GRM8: variants seen among roughly 807,000 people sequenced by gnomAD.
The protein encoded by GRM8 is glutamate metabotropic receptor 8.
A neutral mutation model predicts 87.2 loss-of-function variants in GRM8; 47 were observed. The observed-to-expected ratio is 0.54, with a 90% CI of 0.43 to 0.69. The LOEUF is 0.69. GRM8 is among the 30% of genes least tolerant of loss of function. The pLI is 0.00. For synonymous variants in GRM8, 396 were observed against 404.5 expected (o/e 0.98, Z 0.25); for missense variants, 1,019 against 1,139.2 (o/e 0.89, Z 1.52).
At chr7:126,961,293 G>A (rs768192742) in intron 3 of GRM8, among the ~76,000 whole-genome samples, 23 of 152,200 alleles carry the variant, frequency 1.5e-4, no homozygotes, top group Non-Finnish European at 4.4e-5. Context: ...TGATCAAAGG[G>A]TTTTGTAAAA....
At chr7:127,051,011 TATCA>T (rs76542878) in intron 3 of GRM8, among the ~76,000 whole-genome samples, 12,145 of 152,264 alleles carry the variant, frequency 0.08, 517 homozygotes, top group South Asian at 0.13. Flanking sequence ...TTTTGAATCC[TATCA>T]ATCATTTCTA....
intron 2 of GRM8, among the ~76,000 whole-genome samples, chr7:127,181,061 T>C (rs1794407759): frequency 6.6e-6 from 1 of 152,082 alleles, no homozygotes; most frequent in African/African-American, 2.4e-5. Context: ...ACTGTCACTG[T>C]TTGCTGATGA....
At chr7:126,699,743 C>G (rs1809732236) in intron 7 of GRM8, among the ~76,000 whole-genome samples, 1 of 152,138 alleles carries the variant, frequency 6.6e-6, no homozygotes, top group African/African-American at 2.4e-5. Context: ...ACAATCATTT[C>G]CAGCCTCCAG....
intron 6 of GRM8, among the ~76,000 whole-genome samples, chr7:126,830,752 G>A (rs564882703): frequency 3.3e-5 from 5 of 152,346 alleles, no homozygotes; most frequent in African/African-American, 9.6e-5. Flanking sequence ...GTGAGGAACT[G>A]CGTTCCTTTG....
chr7:126,673,973 A>C (rs1806672282), intron 7 of GRM8, among the ~76,000 whole-genome samples: 1 of 152,166 alleles, frequency 6.6e-6, no homozygotes, highest in African/African-American at 2.4e-5. Flanking sequence ...TAAATATATC[A>C]ATATAGACCT....
chr7:127,010,334 T>C (rs1042784755), intron 3 of GRM8, among the ~76,000 whole-genome samples: 8 of 152,190 alleles, frequency 5.3e-5, no homozygotes, highest in Non-Finnish European at 1.2e-4. Flanking sequence ...TTCACGGTAC[T>C]AATATAAGTT....
At chr7:126,946,325 G>A (rs1326475600) in intron 3 of GRM8, among the ~76,000 whole-genome samples, 1 of 151,986 alleles carries the variant, frequency 6.6e-6, no homozygotes, top group African/African-American at 2.4e-5. Flanking sequence ...AACATAGTGA[G>A]ACCCCCCCAT....
At chr7:127,235,821 T>C (rs956985462) in intron 2 of GRM8, among the ~76,000 whole-genome samples, 2 of 152,202 alleles carry the variant, frequency 1.3e-5, no homozygotes, top group Non-Finnish European at 2.9e-5. Flanking sequence ...CAAGAATTAC[T>C]GCAGTACATC....
intron 7 of GRM8, among the ~76,000 whole-genome samples, chr7:126,629,286 T>A (rs6467093): frequency 6.6e-6 from 1 of 152,346 alleles, no homozygotes; most frequent in African/African-American, 2.4e-5. Flanking sequence ...AAACTATAAC[T>A]GTGTGGGATT....
chr7:126,704,911 G>C (rs1810335126), intron 7 of GRM8, among the ~76,000 whole-genome samples: 1 of 152,096 alleles, frequency 6.6e-6, no homozygotes, highest in Admixed American at 6.6e-5. Flanking sequence ...TTTGCCTTGT[G>C]ATAGTCTATT....
rs970092175 is a variant in GRM8 at position 126,625,977 on chromosome 7, AT to A, written c.1358-16480del. 5.3e-4 allele frequency among the ~76,000 whole-genome samples: 80 copies of A among 152,022 alleles called. 2 individuals carry two copies. The highest frequency in any genetic ancestry group is 1.8e-4 in the Non-Finnish European group (12 of 67,980). ...TCTTATGTACTTGAAGCCCTTTATT[AT>A]TTTTTCTGGGGTACATTAAATACTT... On this transcript the variant is annotated intron_variant, in intron 7 of 10. Coordinates refer to ENST00000339582, the MANE Select transcript of GRM8 (RefSeq NM_000845.3).
chr7:127,223,445 A>ACG (rs1277576226), intron 2 of GRM8, among the ~76,000 whole-genome samples: 43 of 23,712 alleles, frequency 1.8e-3, no homozygotes, highest in Middle Eastern at 0.033. Context: ...ACACACACGC[A>ACG]CACACACACA....
chr7:126,491,206 T>TA (rs1807971396), intron 9 of GRM8, among the ~76,000 whole-genome samples: 1 of 152,060 alleles, frequency 6.6e-6, no homozygotes, highest in Admixed American at 6.6e-5. Flanking sequence ...ACTAGCATCT[T>TA]ATGGCTTTCA....
chr7:126,566,660 C>T (rs1280362989), intron 8 of GRM8, among the ~76,000 whole-genome samples: 1 of 152,094 alleles, frequency 6.6e-6, no homozygotes, highest in Admixed American at 6.6e-5. Flanking sequence ...CCCCATGACC[C>T]AGCAGTCTCC....
intron 3 of GRM8, among the ~76,000 whole-genome samples, chr7:127,063,466 C>T (rs12535891): frequency 0.35 from 53,023 of 151,874 alleles, 9,656 homozygotes; most frequent in Non-Finnish European, 0.41. Context: ...ATTCCAGCTA[C>T]ATGGGAGGCT....
At chr7:126,958,425 G>A (rs957268488) in intron 3 of GRM8, among the ~76,000 whole-genome samples, 6 of 152,168 alleles carry the variant, frequency 3.9e-5, no homozygotes, top group Admixed American at 3.9e-4. Context: ...AAATACCAGT[G>A]CCCACAGCAG....
intron 3 of GRM8, among the ~76,000 whole-genome samples, chr7:126,983,799 G>T (rs1811769030): frequency 6.6e-6 from 1 of 152,284 alleles, no homozygotes; most frequent in Non-Finnish European, 1.5e-5. Context: ...CAGGAATAAA[G>T]GTTTGGGTCA....
At chr7:127,007,394 T>C (rs1435897797) in intron 3 of GRM8, among the ~76,000 whole-genome samples, 1 of 152,006 alleles carries the variant, frequency 6.6e-6, no homozygotes, top group East Asian at 1.9e-4. Flanking sequence ...TCTACTTCTT[T>C]AAAAATTTTA....
At chr7:126,523,757 G>A (rs993305709) in intron 9 of GRM8, among the ~76,000 whole-genome samples, 1 of 151,862 alleles carries the variant, frequency 6.6e-6, no homozygotes, top group African/African-American at 2.4e-5. Context: ...TCGACCTCCC[G>A]AAGTGCTGGC....
Sources: allele counts gnomAD v4.1 joint callset (sites outside exome capture counted in the v4.1 genomes callset), GRCh38; gene constraint gnomAD v4.1.1; transcripts MANE v1.5; gene names NCBI Gene and HGNC (gene_info 2026-07-23, HGNC 2026-07-21).